PPFIA2: variants seen among roughly 807,000 people sequenced by gnomAD.
PPFIA2 encodes the protein PPFI scaffold protein A2.
PPFIA2 carries 46 observed loss-of-function variants against 175.5 expected under a neutral mutation model. The ratio of observed to expected loss-of-function variants is 0.26; its 90% CI spans 0.21 to 0.34. The LOEUF (loss-of-function observed/expected upper bound fraction) is 0.34. Ranked by LOEUF, PPFIA2 falls within the 10% of genes least tolerant of loss-of-function variation. The probability of loss-of-function intolerance (pLI) is 1.00; values close to 1 mark genes in which losing one functional copy is unlikely to be tolerated. For synonymous variants in PPFIA2, 568 were observed against 511.4 expected, an observed-to-expected ratio of 1.11 and a Z score of -1.49; for missense variants, 1,179 against 1,506.1, an observed-to-expected ratio of 0.78 and a Z score of 3.60.
intron 11 of PPFIA2, chr12:81,369,552 T>G (rs943449514): frequency 4.3e-6 from 3 of 697,962 alleles, no homozygotes; most frequent in Non-Finnish European, 5.6e-6. Context: ...GTAACATAAT[T>G]TTTATAAATG....
chr12:81,377,749 T>C (rs1409351678), intron 9 of PPFIA2, among the ~76,000 whole-genome samples: 4 of 152,114 alleles, frequency 2.6e-5, no homozygotes, highest in African/African-American at 9.7e-5. Context: ...CTTTTATTTC[T>C]TCCCCTCCAT....
At chr12:81,616,852 C>T (rs1209825864) in intron 4 of PPFIA2, among the ~76,000 whole-genome samples, 4 of 152,166 alleles carry the variant, frequency 2.6e-5, no homozygotes, top group Non-Finnish European at 4.4e-5. Flanking sequence ...CACTGGCAGT[C>T]ACAGTCATGC....
At chr12:81,467,010 A>G (rs1402673393) in intron 4 of PPFIA2, among the ~76,000 whole-genome samples, 1 of 150,690 alleles carries the variant, frequency 6.6e-6, no homozygotes, top group African/African-American at 2.4e-5. Flanking sequence ...CTCGAGATTC[A>G]CCTACCCAAG....
At chr12:81,604,650 T>C (rs2060111778) in intron 4 of PPFIA2, among the ~76,000 whole-genome samples, 1 of 151,686 alleles carries the variant, frequency 6.6e-6, no homozygotes, top group African/African-American at 2.4e-5. Flanking sequence ...TGTGCTTATG[T>C]TATCAATCAT....
intron 4 of PPFIA2, among the ~76,000 whole-genome samples, chr12:81,578,445 T>C (rs780947218): frequency 1.1e-4 from 16 of 151,786 alleles, no homozygotes; most frequent in Non-Finnish European, 1.3e-4. Context: ...CTAACCAGCT[T>C]ACTAAAATTA....
chr12:81,460,261 T>G lies in PPFIA2; in HGVS notation c.304-2395A>C, dbSNP rs150580603. 5.3e-4 allele frequency among the ~76,000 whole-genome samples: 81 copies of G among 152,204 alleles called. 1 individual carries two copies. Among genetic ancestry groups the G allele is most frequent in the African/African-American group, 1.9e-3 (80 of 41,548 alleles). On this transcript the variant is annotated intron_variant, in intron 4 of 32. Transcript: ENST00000549396. ...TGTGAGTAAGTTTGAGATCTGATGATTTTATAAAGGGAAACCGCTTTCATT... is the reference window on the plus strand; with the variant it reads ...TGTGAGTAAGTTTGAGATCTGATGAGTTTATAAAGGGAAACCGCTTTCATT...
intron 22 of PPFIA2, among the ~76,000 whole-genome samples, chr12:81,307,406 G>A (rs988956848): frequency 1.3e-5 from 2 of 152,162 alleles, no homozygotes; most frequent in African/African-American, 4.8e-5. Context: ...TAGGATCCTT[G>A]ATTATAGGGC....
chr12:81,489,568 T>C (rs1044873096), intron 4 of PPFIA2, among the ~76,000 whole-genome samples: 11 of 151,998 alleles, frequency 7.2e-5, no homozygotes, highest in African/African-American at 2.6e-4. Context: ...GTTACCATAC[T>C]CCACTGCCAC....
At chr12:81,301,036 G>A (rs1206510236) in intron 22 of PPFIA2, among the ~76,000 whole-genome samples, 1 of 152,114 alleles carries the variant, frequency 6.6e-6, no homozygotes, top group African/African-American at 2.4e-5. Context: ...TGAAAACTTG[G>A]TGATGTACCT....
chr12:81,289,504 T>C (rs562137905), intron 24 of PPFIA2, among the ~76,000 whole-genome samples: 1 of 151,984 alleles, frequency 6.6e-6, no homozygotes, highest in Admixed American at 6.6e-5. Context: ...TTGAATTAGT[T>C]GGAAAAACCA....
Position 81,747,625 on chromosome 12 carries a change from A to C in PPFIA2, c.249+6348T>G, listed in dbSNP as rs977045366. On this transcript the variant is annotated intron_variant, in intron 3 of 32. Transcript: ENST00000549396. Reference sequence around the variant, plus strand: ...GTAAGGCATGGAATTATCATTTGACATATTCCAACTCATTTGTTCCTCATA... The same window carrying C: ...GTAAGGCATGGAATTATCATTTGACCTATTCCAACTCATTTGTTCCTCATA... Among the ~76,000 whole-genome samples the C allele has an allele frequency of 4.2e-5, 6 of 143,586 alleles. 1 individual carries two copies. The Admixed American group carries it at 4.4e-4, about 11-fold the overall frequency. The allele number at this position is 143,586 out of a possible 152,430, so 94.2% of individuals were successfully genotyped here. A position where few individuals can be genotyped will look rare whatever the true frequency, so the allele number is the denominator to read the frequency against.
intron 4 of PPFIA2, among the ~76,000 whole-genome samples, chr12:81,617,434 TA>T (rs1287451881): frequency 4.6e-5 from 7 of 152,312 alleles, no homozygotes; most frequent in Admixed American, 4.6e-4. Flanking sequence ...ATTCACATGT[TA>T]TTGTGCCTGC....
rs560630643 is a variant in PPFIA2 at position 81,509,138 on chromosome 12, C to T, written c.304-51272G>A. 7.9e-4 allele frequency among the ~76,000 whole-genome samples: 120 copies of T among 152,152 alleles called. 1 individual carries two copies. Among genetic ancestry groups the T allele is most frequent in the South Asian group, 7.3e-3 (35 of 4,820 alleles). ...ACAGGTATTTAAAGAATAGAAATAA[C>T]GTTACTTCATTGGGATCCAAACCAA... On this transcript the variant is annotated intron_variant, in intron 4 of 32. Coordinates refer to ENST00000549396, the MANE Select transcript of PPFIA2 (RefSeq NM_003625.5).
chr12:81,342,508 C>A (rs2058294411), intron 19 of PPFIA2, among the ~76,000 whole-genome samples: 1 of 151,926 alleles, frequency 6.6e-6, no homozygotes. Context: ...CTTTTGTCAC[C>A]CAATCTTAGG....
chr12:81,384,342 G>T, intron 8 of PPFIA2, 98 bp from the exon 9 acceptor site: 1 of 893,008 alleles, frequency 1.1e-6, no homozygotes, highest in Non-Finnish European at 1.6e-6. Flanking sequence ...TGCTTTCACA[G>T]TGAGAAATAA....
chr12:81,667,269 T>G (rs777546511), intron 4 of PPFIA2, among the ~76,000 whole-genome samples: 1 of 152,152 alleles, frequency 6.6e-6, no homozygotes, highest in Non-Finnish European at 1.5e-5. Context: ...TTTATCACTT[T>G]GTTGAAGGAG....
At chr12:81,270,098 T>C (rs1224166168) in intron 28 of PPFIA2, among the ~76,000 whole-genome samples, 1 of 152,198 alleles carries the variant, frequency 6.6e-6, no homozygotes, top group Non-Finnish European at 1.5e-5. Flanking sequence ...TAGTGCTGCT[T>C]TGAATATTGT....
chr12:81,534,979 C>T (rs999159153), intron 4 of PPFIA2, among the ~76,000 whole-genome samples: 85 of 151,752 alleles, frequency 5.6e-4, no homozygotes, highest in African/African-American at 2.0e-3. Flanking sequence ...CAAGTTCTAA[C>T]GTCTTCAGAG....
At chr12:81,449,497 AAAAAC>A (rs1207409981) in intron 5 of PPFIA2, among the ~76,000 whole-genome samples, 8 of 151,888 alleles carry the variant, frequency 5.3e-5, no homozygotes, top group Non-Finnish European at 1.2e-4. Flanking sequence ...ACAAAAAAAA[AAAAAC>A]AAAAAAAAAT....
Sources: allele counts gnomAD v4.1 joint callset (sites outside exome capture counted in the v4.1 genomes callset), GRCh38; gene constraint gnomAD v4.1.1; transcripts MANE v1.5; gene names NCBI Gene and HGNC (gene_info 2026-07-23, HGNC 2026-07-21).